Variants in TENM2 observed in about 807,000 individuals in gnomAD.
TENM2 encodes teneurin-2.
A neutral mutation model predicts 245.2 loss-of-function variants in TENM2; 52 were observed. The ratio of observed to expected loss-of-function variants is 0.21; its 90% CI spans 0.17 to 0.27. TENM2 has a LOEUF of 0.27. Ranked by LOEUF, TENM2 falls within the 10% of genes least tolerant of loss-of-function variation. The probability of loss-of-function intolerance (pLI) is 1.00; values close to 1 mark genes in which losing one functional copy is unlikely to be tolerated. For missense variants in TENM2, 3,046 were observed against 3,666.8 expected, an observed-to-expected ratio of 0.83 and a Z score of 4.37; for synonymous variants, 1,363 against 1,438.9, an observed-to-expected ratio of 0.95 and a Z score of 1.19.
chr5:167,612,120 G>T (rs896396939), intron 2 of TENM2, among the ~76,000 whole-genome samples: 3 of 152,038 alleles, frequency 2.0e-5, no homozygotes, highest in Non-Finnish European at 4.4e-5. Flanking sequence ...GTTACTATTT[G>T]AGCCAGGATT....
At chr5:167,415,476 T>G (rs1462168143) in intron 2 of TENM2, among the ~76,000 whole-genome samples, 1 of 152,184 alleles carries the variant, frequency 6.6e-6, no homozygotes, top group African/African-American at 2.4e-5. Context: ...ATCATTGACA[T>G]TTGCAGAGAA....
chr5:167,502,008 ATAAC>A (rs1457117974), intron 2 of TENM2, among the ~76,000 whole-genome samples: 1 of 150,928 alleles, frequency 6.6e-6, no homozygotes, highest in Non-Finnish European at 1.5e-5. Context: ...AAAATGAAAA[ATAAC>A]AAAAAAAAAA....
chr5:167,091,899 G>C, the TENM2 span, among the ~76,000 whole-genome samples: 1 of 152,136 alleles, frequency 6.6e-6, no homozygotes, highest in Non-Finnish European at 1.5e-5. Flanking sequence ...GGCACTTGAC[G>C]TGGCATTTAT....
intron 4 of TENM2, among the ~76,000 whole-genome samples, chr5:167,967,774 T>C (rs933231968): frequency 1.3e-5 from 2 of 152,196 alleles, no homozygotes; most frequent in Non-Finnish European, 2.9e-5. Flanking sequence ...AAGTTCACAG[T>C]TGAAAAAAGC....
intron 2 of TENM2, among the ~76,000 whole-genome samples, chr5:167,400,100 C>T (rs901649817): frequency 3.3e-5 from 5 of 151,940 alleles, no homozygotes; most frequent in African/African-American, 9.7e-5. Context: ...TGTGGGTCAC[C>T]GAAGGTTATT....
At chr5:167,707,340 G>A (rs1758606129) in intron 2 of TENM2, among the ~76,000 whole-genome samples, 1 of 152,024 alleles carries the variant, frequency 6.6e-6, no homozygotes, top group Non-Finnish European at 1.5e-5. Flanking sequence ...CAGATATATG[G>A]TTTGCTAATA....
At chr5:167,002,717 G>A in the TENM2 span, among the ~76,000 whole-genome samples, 1 of 151,724 alleles carries the variant, frequency 6.6e-6, no homozygotes, top group East Asian at 1.9e-4. Flanking sequence ...AGTCTGCAAT[G>A]AGCTATGATC....
intron 15 of TENM2, among the ~76,000 whole-genome samples, chr5:168,197,040 C>T (rs1456975333): frequency 2.0e-5 from 3 of 152,140 alleles, no homozygotes; most frequent in Admixed American, 2.0e-4. Context: ...TGCATAGTGG[C>T]GTGTGCCCCA....
chr5:167,529,423 T>C (rs1771345557), intron 2 of TENM2, among the ~76,000 whole-genome samples: 1 of 152,222 alleles, frequency 6.6e-6, no homozygotes, highest in Non-Finnish European at 1.5e-5. Flanking sequence ...TCTTCAGCAA[T>C]GTTGCTATAA....
At chr5:167,443,110 GATAAGGTTTATT>G (rs1764961708) in intron 2 of TENM2, among the ~76,000 whole-genome samples, 1 of 152,192 alleles carries the variant, frequency 6.6e-6, no homozygotes, top group African/African-American at 2.4e-5. Context: ...AGGAGATGAT[GATAAGGTTTATT>G]ATTCTGTGAA....
the TENM2 span, among the ~76,000 whole-genome samples, chr5:167,128,749 G>A: frequency 6.6e-6 from 1 of 152,028 alleles, no homozygotes; most frequent in Non-Finnish European, 1.5e-5. Context: ...TAATTGTTCC[G>A]TTTGCTTGTT....
rs142442585 is a variant in TENM2 at position 167,666,356 on chromosome 5, T to C, written c.503-209630T>C. On this transcript the variant is annotated intron_variant, in intron 2 of 28. Coordinates refer to ENST00000518659, the Ensembl canonical transcript of TENM2. Reference sequence around the variant, plus strand: ...AGTCTCAACCCCAAACGAAGTGCACTCATGTTTACTGGCAAAATTGGGAAT... The same window carrying C: ...AGTCTCAACCCCAAACGAAGTGCACCCATGTTTACTGGCAAAATTGGGAAT... 8.3e-4 allele frequency among the ~76,000 whole-genome samples: 126 copies of C among 152,282 alleles called. 1 individual carries two copies. Among genetic ancestry groups the C allele is most frequent in the East Asian group, 7.1e-3 (37 of 5,176 alleles).
chr5:167,255,294 G>GGATA, the TENM2 span, among the ~76,000 whole-genome samples: 1 of 152,050 alleles, frequency 6.6e-6, no homozygotes, highest in Non-Finnish European at 1.5e-5. Context: ...TTTACATGCA[G>GGATA]GATAGAGTAA....
chr5:168,067,451 A>G (rs1790606764), intron 7 of TENM2, among the ~76,000 whole-genome samples: 1 of 152,224 alleles, frequency 6.6e-6, no homozygotes, highest in Non-Finnish European at 1.5e-5. Flanking sequence ...AGATAAAATG[A>G]GTTGAGCCAA....
At chr5:168,204,049 G>C (rs1172013244) in intron 18 of TENM2, among the ~76,000 whole-genome samples, 1 of 151,800 alleles carries the variant, frequency 6.6e-6, no homozygotes, top group Non-Finnish European at 1.5e-5. Flanking sequence ...ACAGGGTCTT[G>C]CTCTGTCATC....
chr5:167,067,828 T>C, the TENM2 span, among the ~76,000 whole-genome samples: 1 of 152,168 alleles, frequency 6.6e-6, no homozygotes, highest in Admixed American at 6.5e-5. Context: ...GAAATATTTT[T>C]CTCCCAGCCC....
chr5:167,246,422 A>G, the TENM2 span, among the ~76,000 whole-genome samples: 1 of 152,184 alleles, frequency 6.6e-6, no homozygotes, highest in East Asian at 1.9e-4. Flanking sequence ...AATTACATAG[A>G]TATATGTCTG....
chr5:168,051,441 A>G (rs1789077662), intron 6 of TENM2, among the ~76,000 whole-genome samples: 1 of 152,098 alleles, frequency 6.6e-6, no homozygotes, highest in Non-Finnish European at 1.5e-5. Context: ...TAAAATATTC[A>G]CCATCTGACC....
chr5:168,193,871 G>A (rs1044703582), intron 14 of TENM2, among the ~76,000 whole-genome samples: 4 of 152,182 alleles, frequency 2.6e-5, no homozygotes, highest in African/African-American at 9.7e-5. Context: ...AAAGAGTCTA[G>A]CATTGTGGTT....
Sources: gnomAD v4.1 joint callset for allele counts (sites outside exome capture counted in the v4.1 genomes callset) on GRCh38, gnomAD v4.1.1 for gene constraint, MANE v1.5 for transcripts, NCBI Gene and HGNC (gene_info 2026-07-23, HGNC 2026-07-21) for gene names.